The following COPG2 variants were observed in gnomAD, a reference collection of about 807,000 sequenced individuals.
COPG2 encodes coatomer subunit gamma-2.
In COPG2, 37 loss-of-function variants were observed where a neutral mutation model predicts 46.3. The observed-to-expected ratio is 0.80, with a 90% CI of 0.61 to 1.05. The LOEUF (loss-of-function observed/expected upper bound fraction) is 1.05, where lower values mean the gene tolerates loss of function less well. Ranked by LOEUF, COPG2 falls within the 50% of genes least tolerant of loss-of-function variation. The probability of loss-of-function intolerance (pLI) is 0.00; values close to 1 mark genes in which losing one functional copy is unlikely to be tolerated. For synonymous variants in COPG2, 159 were observed against 129.7 expected (o/e 1.23, Z -1.53); for missense variants, 427 against 387.8 (o/e 1.10, Z -0.85).
At chr7:130,599,589 T>G (rs1794596962) in intron 9 of COPG2, among the ~76,000 whole-genome samples, 1 of 152,144 alleles carries the variant, frequency 6.6e-6, no homozygotes, top group African/African-American at 2.4e-5. Context: ...ACACTCCCCT[T>G]TCTTGAGTTT....
chr7:130,587,690 C>T (rs2116453054), intron 9 of COPG2, among the ~76,000 whole-genome samples: 1 of 152,156 alleles, frequency 6.6e-6, no homozygotes, highest in Admixed American at 6.5e-5. Flanking sequence ...CATAAAAACC[C>T]TAGAAGAAAA....
chr7:130,560,087 T>A (rs1793693165), intron 12 of COPG2, among the ~76,000 whole-genome samples: 2 of 152,136 alleles, frequency 1.3e-5, no homozygotes, highest in Non-Finnish European at 1.5e-5. Flanking sequence ...TATTCACAAA[T>A]GGCACAATTA....
At chr7:130,533,068 G>A (rs2116361535) in intron 20 of COPG2, among the ~76,000 whole-genome samples, 2 of 152,208 alleles carry the variant, frequency 1.3e-5, no homozygotes, top group South Asian at 4.2e-4. Flanking sequence ...CAGGACAGAG[G>A]AGAGGTGTTT....
chr7:130,612,226 T>C lies in COPG2; in HGVS notation c.505A>G (p.Ile169Val). The C allele has an allele frequency of 1.3e-6, 2 of 1,590,902 alleles. No individual in the cohort carries two copies. Among genetic ancestry groups the C allele is most frequent in the Non-Finnish European group, 1.7e-6 (2 of 1,171,774 alleles). The change falls in exon 8 of 24, where the codon ATA becomes GTA. Residue 169 changes from isoleucine to valine, a missense_variant. Ile to Val is a conservative substitution (Grantham distance 29, BLOSUM62 3). Coordinates refer to ENST00000425248, the MANE Select transcript of COPG2 (RefSeq NM_012133.6). ...CAGCGCTTAACCACATCATAGCTTA[T>C]CTTCATCATGTGCTAAATACAGAAA... ...ALVSSLHMMK[I>V]SYDVVKRWIN...
chr7:130,597,533 G>A (rs782168524), intron 9 of COPG2, among the ~76,000 whole-genome samples: 15 of 151,752 alleles, frequency 9.9e-5, no homozygotes, highest in Non-Finnish European at 1.5e-4. Context: ...TTGGGACCCC[G>A]AACAATATAC....
intron 5 of COPG2, among the ~76,000 whole-genome samples, chr7:130,639,781 A>G (rs762707092): frequency 1.1e-4 from 16 of 152,224 alleles, no homozygotes; most frequent in Non-Finnish European, 2.1e-4. Flanking sequence ...GTCTTTCCTC[A>G]TATCTTTTTT....
At chr7:130,521,003 A>G (rs959135309) in intron 20 of COPG2, among the ~76,000 whole-genome samples, 37 of 152,194 alleles carry the variant, frequency 2.4e-4, no homozygotes, top group African/African-American at 8.7e-4. Flanking sequence ...TTCTTTTATC[A>G]TAGTGTTTTA....
chr7:130,513,306 AAAATATATATAT>A (rs1383434085), intron 20 of COPG2, among the ~76,000 whole-genome samples: 2 of 49,018 alleles, frequency 4.1e-5, no homozygotes, highest in African/African-American at 1.8e-4. Flanking sequence ...AAAAAAAAAA[AAAATATATATAT>A]ATATATATAT....
intron 3 of COPG2, among the ~76,000 whole-genome samples, chr7:130,666,370 A>G (rs563037709): frequency 3.8e-4 from 58 of 152,328 alleles, no homozygotes; most frequent in African/African-American, 1.4e-3. Context: ...AATTGAAACC[A>G]AAGGATTTAT....
chr7:130,627,172 A>C (rs1795134477), intron 5 of COPG2, among the ~76,000 whole-genome samples: 1 of 152,230 alleles, frequency 6.6e-6, no homozygotes, highest in African/African-American at 2.4e-5. Context: ...AAATGCTCTT[A>C]TCTTCCCCAC....
intron 9 of COPG2, among the ~76,000 whole-genome samples, chr7:130,565,668 G>T (rs1793790644): frequency 6.6e-6 from 1 of 151,950 alleles, no homozygotes; most frequent in Admixed American, 6.6e-5. Flanking sequence ...AGAACTAAAG[G>T]AAACTAAAAT....
intron 5 of COPG2, among the ~76,000 whole-genome samples, chr7:130,649,792 C>T (rs1795701013): frequency 6.6e-6 from 1 of 152,206 alleles, no homozygotes; most frequent in South Asian, 2.1e-4. Flanking sequence ...GTGCTCACTG[C>T]ATAATTCCAA....
chr7:130,620,362 T>C (rs1226048251), intron 5 of COPG2, among the ~76,000 whole-genome samples: 2 of 152,160 alleles, frequency 1.3e-5, no homozygotes, highest in African/African-American at 4.8e-5. Context: ...GCAGGCTATA[T>C]GACTACCCCA....
intron 20 of COPG2, among the ~76,000 whole-genome samples, chr7:130,544,461 T>G (rs1793394806): frequency 1.3e-5 from 2 of 152,164 alleles, no homozygotes; most frequent in South Asian, 4.1e-4. Context: ...CTGATCTTAG[T>G]ATGAATATTT....
At chr7:130,598,815 G>A (rs983540922) in intron 9 of COPG2, among the ~76,000 whole-genome samples, 11 of 152,168 alleles carry the variant, frequency 7.2e-5, no homozygotes, top group African/African-American at 2.7e-4. Context: ...TATCATGCAA[G>A]CCATCTGGGA....
chr7:130,506,479 TAAAAAG>T lies in COPG2; in HGVS notation c.*191_*196del, dbSNP rs1304543709. ...TCGTCCCAAAGCTGACCAAGTAGAATAAAAAGAAAAAAAAAAAAAAACAACCCATGC... is the reference window on the plus strand; with the variant it reads ...TCGTCCCAAAGCTGACCAAGTAGAATAAAAAAAAAAAAAAACAACCCATGC... On this transcript the variant is annotated 3_prime_UTR_variant, in exon 24 of 24. Coordinates refer to ENST00000425248, the MANE Select transcript of COPG2 (RefSeq NM_012133.6). 1 of 344,960 alleles carries T rather than the reference TAAAAAG, an allele frequency of 2.9e-6. No individual in the cohort carries two copies. Among genetic ancestry groups the T allele is most frequent in the African/African-American group, 3.0e-5 (1 of 33,220 alleles). The allele number at this position is 344,960 out of a possible 1,614,324, so 21.4% of individuals were successfully genotyped here.
At chr7:130,548,233 T>G (rs1337658526) in intron 19 of COPG2, among the ~76,000 whole-genome samples, 170 bp downstream of exon 19, 3 of 152,184 alleles carry the variant, frequency 2.0e-5, no homozygotes, top group Non-Finnish European at 4.4e-5. Flanking sequence ...CCATCAAAAG[T>G]TACCCATCAC....
intron 9 of COPG2, among the ~76,000 whole-genome samples, chr7:130,576,516 T>C (rs1435552672): frequency 6.6e-6 from 1 of 152,118 alleles, no homozygotes; most frequent in Non-Finnish European, 1.5e-5. Context: ...TTCTTCGAAC[T>C]GAACAATAAT....
At chr7:130,587,288 T>C (rs958812445) in intron 9 of COPG2, among the ~76,000 whole-genome samples, 8 of 151,826 alleles carry the variant, frequency 5.3e-5, no homozygotes, top group Admixed American at 2.0e-4. Flanking sequence ...GCCTGGGCGA[T>C]AGAGTGAGAC....
Sources: allele counts gnomAD v4.1 joint callset (sites outside exome capture counted in the v4.1 genomes callset), GRCh38; gene constraint gnomAD v4.1.1; transcripts MANE v1.5; gene names NCBI Gene and HGNC (gene_info 2026-07-23, HGNC 2026-07-21).